The following RBPJ variants were observed in gnomAD, a reference collection of about 807,000 sequenced individuals.
The protein encoded by RBPJ is recombining binding protein suppressor of hairless.
RBPJ carries 9 observed loss-of-function variants against 67.8 expected under a neutral mutation model. The observed-to-expected ratio is 0.13, with a 90% CI of 0.08 to 0.23. RBPJ has a LOEUF of 0.23. RBPJ is among the 10% of genes least tolerant of loss of function. RBPJ has a pLI of 1.00. For synonymous variants in RBPJ, 198 were observed against 203.3 expected (o/e 0.97, Z 0.22); for missense variants, 305 against 595.6 (o/e 0.51, Z 5.08).
chr4:26,121,232 G>T, the RBPJ span, among the ~76,000 whole-genome samples: 1 of 152,122 alleles, frequency 6.6e-6, no homozygotes, highest in Non-Finnish European at 1.5e-5. Flanking sequence ...TCTGAAGCCA[G>T]TGGGCTGCCC....
At chr4:26,108,177 T>C in the RBPJ span, among the ~76,000 whole-genome samples, 1 of 152,146 alleles carries the variant, frequency 6.6e-6, no homozygotes, top group Middle Eastern at 3.2e-3. Flanking sequence ...TTTGAAGACA[T>C]GGTAGAGAGG....
At chr4:26,170,167 C>T (rs1190162891) in intron 1 of RBPJ, among the ~76,000 whole-genome samples, 5 of 152,176 alleles carry the variant, frequency 3.3e-5, no homozygotes, top group African/African-American at 1.2e-4. Flanking sequence ...TCTTCTGCGT[C>T]GCTCACACTG....
chr4:26,156,364 T>A, the RBPJ span, among the ~76,000 whole-genome samples: 1 of 151,926 alleles, frequency 6.6e-6, no homozygotes, highest in African/African-American at 2.4e-5. Flanking sequence ...TATTATACTT[T>A]GGATTTACTC....
chr4:26,402,776 G>A (rs1054812034), intron 2 of RBPJ, among the ~76,000 whole-genome samples: 1 of 152,098 alleles, frequency 6.6e-6, no homozygotes, highest in African/African-American at 2.4e-5. Context: ...GGTGTTGTTT[G>A]CCAATTACAT....
upstream of RBPJ, among the ~76,000 whole-genome samples, chr4:26,316,352 CATATATACATTCATATATACATTCAT>C (rs1577419080): frequency 1.0e-4 from 15 of 144,130 alleles, no homozygotes; most frequent in African/African-American, 3.1e-4. Flanking sequence ...TATACATATT[CATATATACATTCATATATACATTCAT>C]ATATATACAT....
At chr4:26,340,157 G>GAGAAAAATA (rs1165313589) in intron 1 of RBPJ, among the ~76,000 whole-genome samples, 2 of 152,168 alleles carry the variant, frequency 1.3e-5, no homozygotes, top group African/African-American at 2.4e-5. Context: ...GCATGCAACT[G>GAGAAAAATA]AGAAAAATAA....
rs563961532 is a variant in RBPJ at position 26,241,679 on chromosome 4, T to C, written c.-167+78065T>C. ...GGCATGCCCCACCACACCCATTTAT[T>C]TTTTTCTATTTTAGTAGAGGCAGGG... On this transcript the variant is annotated intron_variant, in intron 1 of 4. Coordinates refer to the RBPJ transcript ENST00000512351. Among the ~76,000 whole-genome samples the C allele has an allele frequency of 5.7e-3, 862 of 152,000 alleles. 8 individuals are homozygous for C. The highest frequency in any genetic ancestry group is 0.02 in the African/African-American group (820 of 41,446).
At chr4:26,381,796 G>A (rs1730358412) in intron 1 of RBPJ, among the ~76,000 whole-genome samples, 1 of 152,032 alleles carries the variant, frequency 6.6e-6, no homozygotes, top group African/African-American at 2.4e-5. Context: ...TTTTGTTGTT[G>A]TTGTTATTAA....
chr4:26,245,165 ATTCT>A (rs1257313798), intron 1 of RBPJ, among the ~76,000 whole-genome samples: 1 of 144,738 alleles, frequency 6.9e-6, no homozygotes, highest in African/African-American at 2.6e-5. Flanking sequence ...GTCATTCCTC[ATTCT>A]TTCTTCTCTC....
At chr4:26,421,094 C>T (rs1424989829) in intron 5 of RBPJ, among the ~76,000 whole-genome samples, 1 of 152,108 alleles carries the variant, frequency 6.6e-6, no homozygotes, top group Non-Finnish European at 1.5e-5. Context: ...GATCTACCCA[C>T]AATGTCAACA....
chr4:26,357,719 A>G (rs1449008782), intron 1 of RBPJ, among the ~76,000 whole-genome samples: 3 of 152,118 alleles, frequency 2.0e-5, no homozygotes. Flanking sequence ...CTAACCCATT[A>G]AATAATAACT....
At chr4:26,387,483 T>G (rs184767429) in intron 2 of RBPJ, among the ~76,000 whole-genome samples, 3 of 152,268 alleles carry the variant, frequency 2.0e-5, no homozygotes, top group East Asian at 3.9e-4. Flanking sequence ...GCATGTCGCC[T>G]AATAAATGTA....
chr4:26,320,675 A>T, upstream of RBPJ: 3 of 1,482,112 alleles, frequency 2.0e-6, no homozygotes, highest in South Asian at 1.3e-5. Context: ...TCGTCCCCGT[A>T]GTAATCCCCT....
At chr4:26,389,972 T>C (rs1028185786) in intron 2 of RBPJ, among the ~76,000 whole-genome samples, 1 of 152,166 alleles carries the variant, frequency 6.6e-6, no homozygotes, top group African/African-American at 2.4e-5. Flanking sequence ...TTGCGAAAAG[T>C]AGGCAAGACA....
intron 1 of RBPJ, among the ~76,000 whole-genome samples, chr4:26,336,204 G>C (rs1165784324): frequency 6.6e-6 from 1 of 152,220 alleles, no homozygotes; most frequent in African/African-American, 2.4e-5. Context: ...CCAGCTCCCA[G>C]AGATATGCAT....
chr4:26,355,769 G>T (rs1172890023), intron 1 of RBPJ, among the ~76,000 whole-genome samples: 1 of 152,186 alleles, frequency 6.6e-6, no homozygotes, highest in Non-Finnish European at 1.5e-5. Context: ...GTGCCCCACT[G>T]GGGACTGCAG....
intron 1 of RBPJ, among the ~76,000 whole-genome samples, chr4:26,191,249 A>AGAGAGAGG (rs1166579507): frequency 7.7e-6 from 1 of 129,096 alleles, no homozygotes; most frequent in Non-Finnish European, 1.6e-5. Context: ...AGATAGAGAG[A>AGAGAGAGG]GAGAGAGGGA....
intron 4 of RBPJ, among the ~76,000 whole-genome samples, chr4:26,418,081 C>T (rs1319036059): frequency 6.6e-6 from 1 of 152,184 alleles, no homozygotes; most frequent in African/African-American, 2.4e-5. Context: ...TATTTTTAAA[C>T]ATCATATACT....
intron 7 of RBPJ, 190 bp from the exon 8 acceptor site, chr4:26,428,530 C>T (rs1249943863): frequency 8.0e-6 from 4 of 499,458 alleles, no homozygotes; most frequent in Non-Finnish European, 1.4e-5. Flanking sequence ...TTCTGACATG[C>T]TTGCAATCTA....
Sources: allele counts gnomAD v4.1 joint callset (sites outside exome capture counted in the v4.1 genomes callset), GRCh38; gene constraint gnomAD v4.1.1; transcripts MANE v1.5; gene names NCBI Gene and HGNC (gene_info 2026-07-23, HGNC 2026-07-21).